NGEF: variants seen among roughly 807,000 people sequenced by gnomAD.
NGEF encodes the protein ephexin-1.
NGEF carries 31 observed loss-of-function variants against 80.9 expected under a neutral mutation model. The ratio of observed to expected loss-of-function variants is 0.38; its 90% CI spans 0.29 to 0.52. The LOEUF is 0.52. NGEF is among the 20% of genes least tolerant of loss of function. The pLI is 0.84. For synonymous variants in NGEF, 371 were observed against 370.2 expected, an observed-to-expected ratio of 1.00 and a Z score of -0.03; for missense variants, 709 against 926.2, an observed-to-expected ratio of 0.77 and a Z score of 3.04.
intron 3 of NGEF, among the ~76,000 whole-genome samples, chr2:232,964,490 C>T (rs985846748): frequency 3.9e-5 from 6 of 152,094 alleles, no homozygotes; most frequent in Non-Finnish European, 5.9e-5. Flanking sequence ...GTCAGGAGTT[C>T]GAGACCAGCC....
chr2:232,926,939 T>C (rs1469065386), intron 4 of NGEF, 105 bp downstream of exon 4: 4 of 1,443,574 alleles, frequency 2.8e-6, no homozygotes, highest in Admixed American at 3.7e-5. Context: ...TCAGACGCAG[T>C]CCTTCGTATG....
At chr2:232,961,713 G>T (rs1034126817) in intron 3 of NGEF, among the ~76,000 whole-genome samples, 1 of 151,998 alleles carries the variant, frequency 6.6e-6, no homozygotes, top group Non-Finnish European at 1.5e-5. Flanking sequence ...AGCCAGGATG[G>T]TCTCGATCTC....
intron 3 of NGEF, among the ~76,000 whole-genome samples, chr2:232,962,813 G>C (rs1374609830): frequency 7.0e-6 from 1 of 143,404 alleles, no homozygotes; most frequent in East Asian, 1.9e-4. Context: ...CATGTTCATA[G>C]TTTGAACAAT....
At chr2:232,990,487 A>G (rs997804642) in intron 1 of NGEF, among the ~76,000 whole-genome samples, 2 of 152,072 alleles carry the variant, frequency 1.3e-5, no homozygotes, top group African/African-American at 4.8e-5. Context: ...CCAATGAAAA[A>G]ACTGATCAGA....
rs148205121 is a variant in NGEF, at chr2:233,009,958, C to T, written c.-75+3110G>A. ...TGTCACCTTGCCTGTAGTGCAATGG[C>T]GTGAACTTGGCTCACTGCAACCTCT... On this transcript the variant is annotated intron_variant, in intron 1 of 14. Coordinates refer to ENST00000264051, the MANE Select transcript of NGEF (RefSeq NM_019850.3). Among the ~76,000 whole-genome samples the T allele has an allele frequency of 1.9e-3, 284 of 152,232 alleles. 2 individuals are homozygous for T. The East Asian group carries it at 0.02, about 11-fold the overall frequency.
chr2:232,921,396 G>A (rs1692939972), intron 4 of NGEF, among the ~76,000 whole-genome samples: 1 of 152,188 alleles, frequency 6.6e-6, no homozygotes, highest in South Asian at 2.1e-4. Flanking sequence ...AGAGGCAGGA[G>A]TCTAGCCCAA....
At chr2:232,952,975 A>C (rs1693708477) in intron 3 of NGEF, among the ~76,000 whole-genome samples, 1 of 79,946 alleles carries the variant, frequency 1.3e-5, no homozygotes, top group Non-Finnish European at 2.4e-5. Context: ...GCCCTCAAAA[A>C]AAAAAAAAAA....
At chr2:232,954,549 C>T (rs968852434) in intron 3 of NGEF, among the ~76,000 whole-genome samples, 9 of 151,756 alleles carry the variant, frequency 5.9e-5, no homozygotes, top group Non-Finnish European at 7.4e-5. Flanking sequence ...CACGGTGAAA[C>T]GCCGTCTCTA....
chr2:232,918,305 T>G (rs1415224113), intron 5 of NGEF, among the ~76,000 whole-genome samples: 3 of 152,162 alleles, frequency 2.0e-5, no homozygotes, highest in African/African-American at 7.2e-5. Flanking sequence ...TTTGCCATGT[T>G]GGCCAGGGTG....
intron 3 of NGEF, among the ~76,000 whole-genome samples, chr2:232,945,811 A>T (rs1693544748): frequency 6.6e-6 from 1 of 152,048 alleles, no homozygotes; most frequent in African/African-American, 2.4e-5. Flanking sequence ...AGTCATTCTG[A>T]AATTGTTCTG....
At chr2:232,997,291 TTC>T (rs1694873996) in intron 1 of NGEF, among the ~76,000 whole-genome samples, 1 of 152,186 alleles carries the variant, frequency 6.6e-6, no homozygotes, top group Admixed American at 6.5e-5. Context: ...ACCGTGAGAA[TTC>T]TCTTTTCTCT....
chr2:232,910,268 C>A (rs531707374), intron 5 of NGEF, among the ~76,000 whole-genome samples: 1 of 152,082 alleles, frequency 6.6e-6, no homozygotes, highest in African/African-American at 2.4e-5. Flanking sequence ...TGTTCTACCT[C>A]AGATCATCAG....
intron 5 of NGEF, among the ~76,000 whole-genome samples, chr2:232,900,022 G>T (rs1395321322): frequency 8.7e-6 from 1 of 115,280 alleles, no homozygotes; most frequent in Non-Finnish European, 1.7e-5. Flanking sequence ...TCATATACAC[G>T]TTCACTCACA....
rs531206648 is a variant in NGEF at position 232,995,151 on chromosome 2, T to C, written c.-75+17917A>G. Among the ~76,000 whole-genome samples, 348 of 35,144 alleles carry C rather than the reference T, an allele frequency of 9.9e-3. 138 individuals carry two copies. The highest frequency in any genetic ancestry group is 0.016 in the Non-Finnish European group (246 of 15,580). 23.1% of individuals were successfully genotyped at this position (35,144 alleles called of 152,430 possible). ...TATATATGTACAGTATGTATATATGTACAGTATGTATACTGTATATGTGTA... is the reference window on the plus strand; with the variant it reads ...TATATATGTACAGTATGTATATATGCACAGTATGTATACTGTATATGTGTA... On this transcript the variant is annotated intron_variant, in intron 1 of 14. Coordinates refer to ENST00000264051, the MANE Select transcript of NGEF (RefSeq NM_019850.3).
intron 3 of NGEF, among the ~76,000 whole-genome samples, chr2:232,928,669 G>C (rs1693149890): frequency 6.6e-6 from 1 of 152,168 alleles, no homozygotes; most frequent in Non-Finnish European, 1.5e-5. Flanking sequence ...CCTGAGCCTC[G>C]CGGTGGGGAG....
At chr2:232,963,279 A>G (rs1009019688) in intron 3 of NGEF, among the ~76,000 whole-genome samples, 1 of 151,954 alleles carries the variant, frequency 6.6e-6, no homozygotes, top group African/African-American at 2.4e-5. Context: ...AAAAAGTACC[A>G]ATGCAGCTCT....
chr2:232,883,469 G>T lies in NGEF; in HGVS notation c.1602-3C>A. 1 of 1,584,070 alleles carries T rather than the reference G, an allele frequency of 6.3e-7. No homozygotes were observed. Among genetic ancestry groups the T allele is most frequent in the Non-Finnish European group, 8.6e-7 (1 of 1,164,406 alleles). On this transcript the variant is annotated splice_region_variant and splice_polypyrimidine_tract_variant and intron_variant, in intron 11 of 14. Coordinates refer to ENST00000264051, the MANE Select transcript of NGEF (RefSeq NM_019850.3). The stretch of plus-strand genomic sequence containing the variant: ...AGTCAAATACCTGGTACTTGTCTCT[G>T]GAGATCAGGGAGAAGGGCAGGCGTG...
chr2:233,005,894 G>T (rs1339389977), intron 1 of NGEF, among the ~76,000 whole-genome samples: 1 of 152,114 alleles, frequency 6.6e-6, no homozygotes, highest in Non-Finnish European at 1.5e-5. Context: ...TCAGCCCACC[G>T]CAACCTCTGC....
chr2:232,883,669 G>A (rs910674974), intron 11 of NGEF, among the ~76,000 whole-genome samples: 5 of 152,136 alleles, frequency 3.3e-5, no homozygotes, highest in Admixed American at 1.3e-4. Flanking sequence ...ACAGCACCAC[G>A]GTCCTGCCAA....
Sources: allele counts gnomAD v4.1 joint callset (sites outside exome capture counted in the v4.1 genomes callset), GRCh38; gene constraint gnomAD v4.1.1; transcripts MANE v1.5; gene names NCBI Gene and HGNC (gene_info 2026-07-23, HGNC 2026-07-21).